FHAD1: variants seen among roughly 807,000 people sequenced by gnomAD.
FHAD1 encodes the protein forkhead-associated domain-containing protein 1.
Under a neutral mutation model 191.3 loss-of-function variants are expected in FHAD1, and 146 were observed. The observed-to-expected ratio is 0.76, with a 90% CI of 0.67 to 0.88. The LOEUF is 0.88. FHAD1 is among the 40% of genes least tolerant of loss of function. The pLI is 0.00. For synonymous variants in FHAD1, 616 were observed against 672.3 expected (o/e 0.92, Z 1.29); for missense variants, 1,635 against 1,785.8 (o/e 0.92, Z 1.52).
At chr1:15,376,853 T>C (rs1463699705) in intron 28 of FHAD1, among the ~76,000 whole-genome samples, 1 of 152,026 alleles carries the variant, frequency 6.6e-6, no homozygotes, top group Non-Finnish European at 1.5e-5. Context: ...CTGGGAAACA[T>C]AGCGAGACCC....
At chr1:15,260,287 G>T (rs747047513) in intron 2 of FHAD1, among the ~76,000 whole-genome samples, 1 of 152,226 alleles carries the variant, frequency 6.6e-6, no homozygotes, top group Non-Finnish European at 1.5e-5. Context: ...TGTGTGTATG[G>T]TGGGGAACTG....
At chr1:15,240,465 T>C (rs12756447) in intron 1 of FHAD1, among the ~76,000 whole-genome samples, 18,760 of 151,458 alleles carry the variant, frequency 0.12, 1,256 homozygotes, top group African/African-American at 0.18. Context: ...CTCATCTCTA[T>C]TAAAAATAAA....
At chr1:15,293,437 T>C (rs866967364) in intron 4 of FHAD1, among the ~76,000 whole-genome samples, 6 of 152,148 alleles carry the variant, frequency 3.9e-5, no homozygotes, top group African/African-American at 1.4e-4. Flanking sequence ...TTGTTCCTTG[T>C]GGCCAGGCGC....
At chr1:15,362,125 A>T (rs1236944681) in intron 22 of FHAD1, among the ~76,000 whole-genome samples, 9 of 152,140 alleles carry the variant, frequency 5.9e-5, no homozygotes, top group Non-Finnish European at 1.5e-5. Context: ...TCACCCCCGT[A>T]CTTAGACCAG....
At chr1:15,346,147 C>T (rs989497473) in intron 18 of FHAD1, among the ~76,000 whole-genome samples, 2 of 152,150 alleles carry the variant, frequency 1.3e-5, no homozygotes, top group South Asian at 2.1e-4. Flanking sequence ...CGGGCCCAAG[C>T]GCCCTTGTTC....
In FHAD1 at chr1:15,329,939, G is replaced by T; in HGVS notation, c.1906+398G>T. The T allele has an allele frequency of 5.4e-6, 1 of 186,694 alleles. No homozygotes were observed. The highest frequency in any genetic ancestry group is 1.3e-4 in the South Asian group (1 of 7,712). 11.6% of individuals were successfully genotyped at this position (186,694 alleles called of 1,614,324 possible). A position where few individuals can be genotyped will look rare whatever the true frequency, so the allele number is the denominator to read the frequency against. ...TAATAGGGAGTACCCACCCTTTAGGGCTGTTGTGATCATTAAAATGCATGA... is the reference window on the plus strand; with the variant it reads ...TAATAGGGAGTACCCACCCTTTAGGTCTGTTGTGATCATTAAAATGCATGA... On this transcript the variant is annotated intron_variant, in intron 14 of 33. Coordinates refer to ENST00000688493, the MANE Select transcript of FHAD1 (RefSeq NM_001391957.1). The surrounding 1 kb of genome is among the most constrained non-coding windows in gnomAD (Gnocchi z 5.0).
intron 14 of FHAD1, among the ~76,000 whole-genome samples, chr1:15,335,049 C>T (rs1221891333): frequency 6.6e-6 from 1 of 152,224 alleles, no homozygotes; most frequent in Non-Finnish European, 1.5e-5. Flanking sequence ...GCGTCACAAA[C>T]TAGGATGGAA....
At chr1:15,354,323 G>C (rs1008201523) in intron 20 of FHAD1, among the ~76,000 whole-genome samples, 1 of 152,210 alleles carries the variant, frequency 6.6e-6, no homozygotes, top group Non-Finnish European at 1.5e-5. Context: ...CGCTGCTCTA[G>C]GGAGAATAGT....
At chr1:15,319,372 G>A (rs1675547378) in intron 10 of FHAD1, among the ~76,000 whole-genome samples, 1 of 152,200 alleles carries the variant, frequency 6.6e-6, no homozygotes, top group African/African-American at 2.4e-5. Flanking sequence ...CCAGACATAA[G>A]TAGACTTGGC....
At chr1:15,332,713 T>C (rs1422160113) in intron 14 of FHAD1, among the ~76,000 whole-genome samples, 3 of 152,150 alleles carry the variant, frequency 2.0e-5, no homozygotes, top group African/African-American at 7.2e-5. Flanking sequence ...TGAGACCTTG[T>C]CTAAAAATAA....
chr1:15,301,052 A>T (rs1668574848), intron 5 of FHAD1, among the ~76,000 whole-genome samples, 153 bp from the exon 6 acceptor site: 1 of 150,824 alleles, frequency 6.6e-6, no homozygotes, highest in African/African-American at 2.5e-5. Flanking sequence ...CTGGTCTCGA[A>T]CTCCTGACCT....
In FHAD1 at chr1:15,274,929, G is replaced by A. The variant is rs149061435; in HGVS notation, c.300+2400G>A. Among the ~76,000 whole-genome samples, 362 of 152,294 alleles carry A rather than the reference G, an allele frequency of 2.4e-3. 1 individual carries two copies. Among genetic ancestry groups the A allele is most frequent in the African/African-American group, 8.2e-3 (342 of 41,570 alleles). ...ACCATTGGGTCAGCTGCTAGGTGCA[G>A]CAGTATCATCAACTGGTTTTCAAAG... On this transcript the variant is annotated intron_variant, in intron 3 of 33. Coordinates refer to ENST00000688493, the MANE Select transcript of FHAD1 (RefSeq NM_001391957.1).
intron 9 of FHAD1, among the ~76,000 whole-genome samples, chr1:15,317,400 A>G (rs1316109320): frequency 6.6e-6 from 1 of 152,132 alleles, no homozygotes; most frequent in Non-Finnish European, 1.5e-5. Context: ...GGCCAGGAAC[A>G]TTTTACTCTC....
In FHAD1 at chr1:15,312,829, C is replaced by G. The variant is rs558380104; in HGVS notation, c.1040-228C>G. ...AGGGCCGATGCCCACAGCACCCCGA[C>G]AGATGTTTCCTGTCTCCAGCAACAC... On this transcript the variant is annotated intron_variant, in intron 7 of 33. Transcript: ENST00000688493. The surrounding 1 kb of genome is among the most constrained non-coding windows in gnomAD (Gnocchi z 4.7). Among the ~76,000 whole-genome samples, 7 of 152,282 alleles carry G rather than the reference C, an allele frequency of 4.6e-5. No homozygotes were observed. Among genetic ancestry groups the G allele is most frequent in the Admixed American group, 1.3e-4 (2 of 15,308 alleles).
At chr1:15,302,577 T>C (rs1466341517) in intron 6 of FHAD1, among the ~76,000 whole-genome samples, 1 of 152,042 alleles carries the variant, frequency 6.6e-6, no homozygotes, top group African/African-American at 2.4e-5. Context: ...TACAAAAAAT[T>C]AGCCAGGTGT....
intron 31 of FHAD1, among the ~76,000 whole-genome samples, chr1:15,382,811 G>T (rs12058287): frequency 6.6e-6 from 1 of 152,176 alleles, no homozygotes; most frequent in African/African-American, 2.4e-5. Flanking sequence ...TGCCGCCAGT[G>T]ACCGCAAAGG....
At chr1:15,370,817 T>A (rs1697861402) in intron 26 of FHAD1, among the ~76,000 whole-genome samples, 1 of 152,202 alleles carries the variant, frequency 6.6e-6, no homozygotes, top group South Asian at 2.1e-4. Flanking sequence ...TCCCCAGGGC[T>A]TTTTGAGCCT....
downstream of FHAD1, among the ~76,000 whole-genome samples, chr1:15,399,654 A>G (rs372506074): frequency 2.4e-4 from 36 of 152,302 alleles, no homozygotes; most frequent in South Asian, 7.1e-3. Context: ...AAAACCTAAT[A>G]AAGAACCTGG....
At chr1:15,245,278 T>C (rs1425667768), upstream of FHAD1, among the ~76,000 whole-genome samples, 1 of 151,880 alleles carries the variant, frequency 6.6e-6, no homozygotes, top group African/African-American at 2.4e-5. Flanking sequence ...AGGGATAGAG[T>C]GTTGAGGTTT....
Sources: allele counts gnomAD v4.1 joint callset (sites outside exome capture counted in the v4.1 genomes callset), GRCh38; gene constraint gnomAD v4.1.1; non-coding constraint Gnocchi (gnomAD v3.1); transcripts MANE v1.5; gene names NCBI Gene and HGNC (gene_info 2026-07-23, HGNC 2026-07-21).